The following TTC29 variants were observed in gnomAD, a reference collection of about 807,000 sequenced individuals.
TTC29 encodes the protein tetratricopeptide repeat domain 29.
In TTC29, 49 loss-of-function variants were observed where a neutral mutation model predicts 58.1. The ratio of observed to expected loss-of-function variants is 0.84; its 90% confidence interval spans 0.67 to 1.07. The LOEUF (loss-of-function observed/expected upper bound fraction) is 1.07. TTC29 is among the 50% of genes least tolerant of loss of function. The pLI is 0.00. For synonymous variants in TTC29, 209 were observed against 196.8 expected (o/e 1.06, Z -0.52); for missense variants, 582 against 555.6 (o/e 1.05, Z -0.48).
At chr4:146,718,095 A>ATT (rs1331180445) in intron 11 of TTC29, among the ~76,000 whole-genome samples, 1 of 152,112 alleles carries the variant, frequency 6.6e-6, no homozygotes, top group African/African-American at 2.4e-5. Context: ...ATAATACTTC[A>ATT]TTATATATAT....
chr4:146,769,307 T>C (rs553163108), intron 11 of TTC29, among the ~76,000 whole-genome samples: 1 of 152,116 alleles, frequency 6.6e-6, no homozygotes, highest in African/African-American at 2.4e-5. Context: ...TTATCAGCAA[T>C]AAAAATACTA....
chr4:146,846,706 T>G (rs1579818114), intron 8 of TTC29, among the ~76,000 whole-genome samples: 1 of 152,278 alleles, frequency 6.6e-6, no homozygotes, highest in Non-Finnish European at 1.5e-5. Flanking sequence ...CTACGAAAAT[T>G]TCTATATTTC....
intron 8 of TTC29, among the ~76,000 whole-genome samples, chr4:146,858,467 T>C (rs974121365): frequency 2.6e-5 from 4 of 152,184 alleles, no homozygotes; most frequent in African/African-American, 9.7e-5. Flanking sequence ...TATATGTACA[T>C]CAACTTCTCC....
chr4:146,914,487 C>T (rs940110809), intron 4 of TTC29, among the ~76,000 whole-genome samples: 1 of 152,010 alleles, frequency 6.6e-6, no homozygotes, highest in Non-Finnish European at 1.5e-5. Context: ...TGCCATGATA[C>T]TGGATGAAAA....
At chr4:146,751,538 C>G (rs1466572994) in intron 11 of TTC29, among the ~76,000 whole-genome samples, 1 of 152,088 alleles carries the variant, frequency 6.6e-6, no homozygotes, top group Non-Finnish European at 1.5e-5. Flanking sequence ...ATCAATAACA[C>G]AAGGTATCTT....
At chr4:146,765,393 C>T (rs1179763372) in intron 11 of TTC29, among the ~76,000 whole-genome samples, 1 of 152,048 alleles carries the variant, frequency 6.6e-6, no homozygotes, top group East Asian at 1.9e-4. Context: ...AGGCAAAATG[C>T]ATTTGACTAA....
At chr4:146,783,134 G>A (rs144740590) in intron 11 of TTC29, among the ~76,000 whole-genome samples, 3 of 151,852 alleles carry the variant, frequency 2.0e-5, no homozygotes, top group African/African-American at 7.2e-5. Context: ...ATATATTTAT[G>A]GTGTACAACA....
intron 8 of TTC29, among the ~76,000 whole-genome samples, chr4:146,847,758 T>C (rs1321618970): frequency 1.3e-5 from 2 of 152,186 alleles, no homozygotes; most frequent in African/African-American, 2.4e-5. Context: ...CCAGGGTAAG[T>C]ACAAATGCAT....
At chr4:146,860,427 TA>T (rs981879831) in intron 8 of TTC29, among the ~76,000 whole-genome samples, 4 of 152,176 alleles carry the variant, frequency 2.6e-5, no homozygotes, top group African/African-American at 9.7e-5. Flanking sequence ...ATTTTTGGAA[TA>T]TTTTTTCTGA....
At chr4:146,801,978 C>CAAAAAAAAAAAA (rs57486017) in intron 11 of TTC29, among the ~76,000 whole-genome samples, 5 of 38,774 alleles carry the variant, frequency 1.3e-4, no homozygotes, top group South Asian at 1.9e-3. Flanking sequence ...GACTCTGTCT[C>CAAAAAAAAAAAA]AAAAAAAAAA....
At chr4:146,799,157 T>C (rs1750036181) in intron 11 of TTC29, among the ~76,000 whole-genome samples, 1 of 152,132 alleles carries the variant, frequency 6.6e-6, no homozygotes, top group Admixed American at 6.5e-5. Flanking sequence ...GAGCTTTGAT[T>C]CAGTCATATT....
At chr4:146,840,906 T>C (rs886661824) in intron 8 of TTC29, among the ~76,000 whole-genome samples, 2 of 152,232 alleles carry the variant, frequency 1.3e-5, no homozygotes, top group East Asian at 1.9e-4. Flanking sequence ...CTAGGATACA[T>C]AGATGCAGCA....
intron 11 of TTC29, among the ~76,000 whole-genome samples, chr4:146,708,339 T>C (rs897298210): frequency 2.1e-4 from 16 of 74,476 alleles, no homozygotes; most frequent in East Asian, 4.8e-4. Flanking sequence ...TATATATATA[T>C]ATATATATAT....
At chr4:146,850,358 G>A (rs1012140545) in intron 8 of TTC29, among the ~76,000 whole-genome samples, 1 of 152,172 alleles carries the variant, frequency 6.6e-6, no homozygotes, top group South Asian at 2.1e-4. Flanking sequence ...TGAGCCATCT[G>A]GCTTCAAAGA....
chr4:146,927,200 T>C (rs1299613912), intron 4 of TTC29, among the ~76,000 whole-genome samples: 2 of 152,194 alleles, frequency 1.3e-5, no homozygotes, highest in Non-Finnish European at 2.9e-5. Context: ...TCCAATCAGT[T>C]TATAATTATT....
chr4:146,767,542 T>G (rs945986856), intron 11 of TTC29, among the ~76,000 whole-genome samples: 2 of 152,080 alleles, frequency 1.3e-5, no homozygotes, highest in African/African-American at 4.8e-5. Context: ...TGATAATAAC[T>G]TATATTTGTA....
At chr4:146,753,957 T>C (rs1746229264) in intron 11 of TTC29, among the ~76,000 whole-genome samples, 1 of 151,916 alleles carries the variant, frequency 6.6e-6, no homozygotes, top group Non-Finnish European at 1.5e-5. Context: ...TAATGCTAAA[T>C]GACGAGTTAA....
chr4:146,723,849 C>T (rs1423752749), intron 11 of TTC29, among the ~76,000 whole-genome samples: 1 of 152,176 alleles, frequency 6.6e-6, no homozygotes, highest in African/African-American at 2.4e-5. Context: ...AACAGAACTA[C>T]CAGTCAACTG....
At chr4:146,863,146 C>T (rs1449990909) in intron 8 of TTC29, among the ~76,000 whole-genome samples, 1 of 150,268 alleles carries the variant, frequency 6.7e-6, no homozygotes, top group African/African-American at 2.4e-5. Flanking sequence ...AAAGAATTAA[C>T]TAAACCTAAT....
Sources: gnomAD v4.1 joint callset for allele counts (sites outside exome capture counted in the v4.1 genomes callset) on GRCh38, gnomAD v4.1.1 for gene constraint, MANE v1.5 for transcripts, NCBI Gene and HGNC (gene_info 2026-07-23, HGNC 2026-07-21) for gene names.